Variants in VPS53 observed in about 807,000 individuals in gnomAD.
VPS53 encodes VPS53 subunit of GARP complex, also known as vacuolar protein sorting-associated protein 53 homolog.
Under a neutral mutation model 107.0 loss-of-function variants are expected in VPS53, and 70 were observed. The observed-to-expected ratio is 0.65, with a 90% CI of 0.54 to 0.80. VPS53 has a LOEUF of 0.80. Among genes scored for constraint, VPS53 ranks in the 30% least tolerant of loss-of-function variants. VPS53 has a pLI of 0.00. For synonymous variants in VPS53, 409 were observed against 393.3 expected, an observed-to-expected ratio of 1.04 and a Z score of -0.47; for missense variants, 917 against 1,049.4, an observed-to-expected ratio of 0.87 and a Z score of 1.74.
chr17:642,223 A>T (rs1167933062), intron 7 of VPS53, among the ~76,000 whole-genome samples: 3 of 152,212 alleles, frequency 2.0e-5, no homozygotes, highest in Admixed American at 1.3e-4. Flanking sequence ...CACCATAAAG[A>T]ATCTCAGCCT....
chr17:711,078 A>T (rs752139880), intron 1 of VPS53, among the ~76,000 whole-genome samples: 1 of 152,194 alleles, frequency 6.6e-6, no homozygotes, highest in Admixed American at 6.5e-5. Context: ...GCCATGGCAC[A>T]TGCCTGTCAT....
intron 2 of VPS53, chr17:705,638 G>T (rs776394681): frequency 6.6e-6 from 1 of 152,196 alleles, no homozygotes; most frequent in South Asian, 2.1e-4. Context: ...TACTCGGGAG[G>T]CTAAGACAGG....
intron 18 of VPS53, among the ~76,000 whole-genome samples, chr17:534,792 C>T (rs559594482): frequency 6.6e-6 from 1 of 152,046 alleles, no homozygotes. Flanking sequence ...GTGGCGAGCG[C>T]CTGTAATCCC....
At chr17:694,133 G>A (rs1460792576) in intron 4 of VPS53, among the ~76,000 whole-genome samples, 5 of 152,172 alleles carry the variant, frequency 3.3e-5, no homozygotes, top group Non-Finnish European at 7.3e-5. Flanking sequence ...AGACAGATGG[G>A]GCCATGACAG....
chr17:649,618 G>A (rs1008150167), intron 7 of VPS53, among the ~76,000 whole-genome samples: 2 of 151,084 alleles, frequency 1.3e-5, no homozygotes, highest in African/African-American at 2.4e-5. Flanking sequence ...ACAGAGGAAT[G>A]GAACAGGCAC....
chr17:567,482 A>T (rs11655093), intron 13 of VPS53, among the ~76,000 whole-genome samples: 13,649 of 150,710 alleles, frequency 0.091, 818 homozygotes, highest in Admixed American at 0.14. Context: ...TTTTGAATAC[A>T]TGATCCAATC....
intron 5 of VPS53, among the ~76,000 whole-genome samples, chr17:657,859 G>C (rs563855722): frequency 6.6e-6 from 1 of 151,968 alleles, no homozygotes; most frequent in East Asian, 1.9e-4. Context: ...ATTAAAGTGA[G>C]AAACTCGGCA....
intron 18 of VPS53, 67 bp downstream of exon 18, chr17:536,961 C>A: frequency 6.3e-7 from 1 of 1,578,572 alleles, no homozygotes; most frequent in Non-Finnish European, 8.6e-7. Flanking sequence ...GAACCTGAAA[C>A]TGTTCTAAAA....
intron 12 of VPS53, among the ~76,000 whole-genome samples, chr17:592,583 C>G (rs1967723773): frequency 6.6e-6 from 1 of 152,084 alleles, no homozygotes. Flanking sequence ...TAGGGCAGGT[C>G]TGGTGGTGAC....
intron 14 of VPS53, 113 bp from the exon 15 acceptor site, chr17:560,686 C>T: frequency 2.4e-6 from 3 of 1,274,244 alleles, no homozygotes; most frequent in East Asian, 4.8e-5. Context: ...TGGACATGGC[C>T]CAAATCAATT....
Position 537,096 on chromosome 17 carries a change from G to C in VPS53, c.1947C>G (p.Val649=). 1 of 1,614,206 alleles carries C rather than the reference G, an allele frequency of 6.2e-7. No homozygotes were observed. Among genetic ancestry groups the C allele is most frequent in the South Asian group, 1.1e-5 (1 of 91,084 alleles). ...AAGCCAGGTTGTCACGGATGATGGG[G>C]ACGTTCTGCTTGATGTGCAGAATGA... The part of the protein sequence containing the change: ...TSVILHIKQN[V]PIIRDNLAST... Residue 649 remains valine, a synonymous_variant, in exon 18 of 22, where the codon GTC becomes GTG. Transcript: ENST00000437048.
chr17:564,579 C>G (rs1200717195), intron 13 of VPS53, among the ~76,000 whole-genome samples: 4 of 148,360 alleles, frequency 2.7e-5, no homozygotes, highest in African/African-American at 1.0e-4. Flanking sequence ...GGGGTGGTGG[C>G]GCATGCCTGT....
At chr17:577,334 G>C (rs1914709899) in intron 13 of VPS53, among the ~76,000 whole-genome samples, 1 of 145,230 alleles carries the variant, frequency 6.9e-6, no homozygotes, top group South Asian at 2.2e-4. Context: ...ACCTCAATGA[G>C]TTACCACAGA....
At chr17:652,385 T>C (rs1170470210) in intron 7 of VPS53, among the ~76,000 whole-genome samples, 1 of 152,186 alleles carries the variant, frequency 6.6e-6, no homozygotes, top group Non-Finnish European at 1.5e-5. Context: ...TTCCTCCCGT[T>C]AGTGGGTGGG....
At chr17:619,977 C>T (rs930058095) in intron 11 of VPS53, among the ~76,000 whole-genome samples, 3 of 152,234 alleles carry the variant, frequency 2.0e-5, no homozygotes, top group South Asian at 2.1e-4. Context: ...TGCGCCACCA[C>T]GCCCCGCTAG....
intron 1 of VPS53, among the ~76,000 whole-genome samples, chr17:713,916 G>A (rs1458086823): frequency 4.7e-5 from 7 of 150,264 alleles, no homozygotes; most frequent in African/African-American, 1.2e-4. Flanking sequence ...GTGGTGGCGT[G>A]CGCCTGTAAT....
intron 11 of VPS53, among the ~76,000 whole-genome samples, chr17:622,200 G>T (rs1046374955): frequency 2.0e-5 from 3 of 151,884 alleles, no homozygotes; most frequent in African/African-American, 7.3e-5. Flanking sequence ...GACAGAGCAA[G>T]ACTCTGTCTA....
intron 12 of VPS53, among the ~76,000 whole-genome samples, chr17:586,896 T>C (rs989355405): frequency 1.3e-5 from 2 of 152,204 alleles, no homozygotes; most frequent in African/African-American, 4.8e-5. Context: ...ACTAGAACTC[T>C]TTCTGTTATA....
At chr17:631,693 A>T in intron 7 of VPS53, 65 bp from the exon 8 acceptor site, 4 of 1,482,892 alleles carry the variant, frequency 2.7e-6, no homozygotes, top group Middle Eastern at 1.7e-4. Context: ...ACACCGATCC[A>T]CAGGGTCGGA....
Sources: allele counts gnomAD v4.1 joint callset (sites outside exome capture counted in the v4.1 genomes callset), GRCh38; gene constraint gnomAD v4.1.1; transcripts MANE v1.5; gene names NCBI Gene and HGNC (gene_info 2026-07-23, HGNC 2026-07-21).